The following SEMA3A variants were observed in gnomAD, a reference collection of about 807,000 sequenced individuals.
SEMA3A encodes semaphorin-3A.
SEMA3A carries 29 observed loss-of-function variants against 97.9 expected under a neutral mutation model. The observed-to-expected ratio is 0.30, with a 90% CI of 0.22 to 0.40. SEMA3A has a LOEUF of 0.40. Among genes scored for constraint, SEMA3A ranks in the 10% least tolerant of loss-of-function variants. The probability of loss-of-function intolerance (pLI) is 1.00; values close to 1 mark genes in which losing one functional copy is unlikely to be tolerated. For missense variants in SEMA3A, 763 were observed against 951.3 expected, an observed-to-expected ratio of 0.80 and a Z score of 2.60; for synonymous variants, 321 against 323.7, an observed-to-expected ratio of 0.99 and a Z score of 0.09.
intron 6 of SEMA3A, among the ~76,000 whole-genome samples, chr7:84,033,232 T>C (rs1042781437): frequency 6.6e-6 from 1 of 152,184 alleles, no homozygotes; most frequent in African/African-American, 2.4e-5. Flanking sequence ...AGTCACAACC[T>C]CTACTACATA....
chr7:84,098,100 T>A (rs1175886381), intron 4 of SEMA3A, among the ~76,000 whole-genome samples: 2 of 152,070 alleles, frequency 1.3e-5, no homozygotes, highest in African/African-American at 4.8e-5. Flanking sequence ...TTATGCTATA[T>A]AAAATTAAGT....
chr7:84,343,835 C>A (rs1802231368), intron 2 of SEMA3A, among the ~76,000 whole-genome samples: 4 of 151,830 alleles, frequency 2.6e-5, no homozygotes, highest in Admixed American at 2.6e-4. Context: ...CTATGAAAAA[C>A]AAAACAAAAC....
At position 84,351,828 on chromosome 7, in the gene SEMA3A, T is replaced by C. The variant is rs527719561; in HGVS notation, c.-169+19996A>G. The stretch of plus-strand genomic sequence containing the variant: ...ACATTATGGAGGTTCCTCAAAAAAC[T>C]AAAAATAGAACTACTGTATGATCCA... On this transcript the variant is annotated intron_variant, in intron 2 of 3. Coordinates refer to the SEMA3A transcript ENST00000424555. 7.9e-5 allele frequency among the ~76,000 whole-genome samples: 12 copies of C among 151,952 alleles called. No individual in the cohort carries two copies. In the East Asian group the frequency reaches 2.1e-3, roughly 27 times the overall value.
chr7:84,484,754 A>C (rs1286986745), intron 1 of SEMA3A, among the ~76,000 whole-genome samples: 2 of 152,196 alleles, frequency 1.3e-5, no homozygotes, highest in Admixed American at 1.3e-4. Context: ...TTCTTGAATC[A>C]AAATATGATG....
chr7:84,168,483 T>C (rs564517412), intron 1 of SEMA3A, among the ~76,000 whole-genome samples: 1 of 152,108 alleles, frequency 6.6e-6, no homozygotes, highest in South Asian at 2.1e-4. Flanking sequence ...TAGGTTTCTG[T>C]AATGTTGGTT....
At chr7:84,001,144 A>C (rs2116384834) in intron 12 of SEMA3A, among the ~76,000 whole-genome samples, 1 of 152,066 alleles carries the variant, frequency 6.6e-6, no homozygotes, top group Admixed American at 6.6e-5. Flanking sequence ...CAAATAACAC[A>C]TTTACAGGCA....
At chr7:84,416,240 A>T (rs1298477574) in intron 1 of SEMA3A, among the ~76,000 whole-genome samples, 1 of 152,072 alleles carries the variant, frequency 6.6e-6, no homozygotes, top group Non-Finnish European at 1.5e-5. Flanking sequence ...CGTGATAATG[A>T]ATAAGTCTCA....
Position 84,002,419 on chromosome 7 carries a change from T to TATC in SEMA3A, c.1361-376_1361-374dup, listed in dbSNP as rs199810079. ...TAAAAATATCTCCTTAATTGCCTGG[T>TATC]ATCTCAGAAACAAAACCTAAAAATA... On this transcript the variant is annotated intron_variant, in intron 11 of 16. Coordinates refer to ENST00000265362, the MANE Select transcript of SEMA3A (RefSeq NM_006080.3). Among the ~76,000 whole-genome samples the TATC allele has an allele frequency of 5.8e-3, 890 of 152,314 alleles. 6 individuals carry two copies. The highest frequency in any genetic ancestry group is 0.021 in the African/African-American group (860 of 41,568).
At chr7:84,452,540 GT>G (rs1484004949) in intron 1 of SEMA3A, among the ~76,000 whole-genome samples, 7 of 152,128 alleles carry the variant, frequency 4.6e-5, no homozygotes, top group African/African-American at 1.7e-4. Context: ...TACAAATATG[GT>G]ATGCTTCTTT....
At chr7:84,054,856 T>C (rs1258600932) in intron 5 of SEMA3A, among the ~76,000 whole-genome samples, 1 of 150,498 alleles carries the variant, frequency 6.6e-6, no homozygotes, top group South Asian at 2.1e-4. Flanking sequence ...TGGTCTTTGA[T>C]GATGGTGATG....
At chr7:83,979,295 G>A (rs1354882314) in intron 14 of SEMA3A, among the ~76,000 whole-genome samples, 2 of 151,944 alleles carry the variant, frequency 1.3e-5, no homozygotes, top group Non-Finnish European at 2.9e-5. Context: ...CACCACACAT[G>A]GCTAATTGTT....
At chr7:84,269,983 C>G (rs1800102651) in intron 3 of SEMA3A, among the ~76,000 whole-genome samples, 1 of 151,980 alleles carries the variant, frequency 6.6e-6, no homozygotes, top group African/African-American at 2.4e-5. Flanking sequence ...GTCACATTTT[C>G]TCAAAACAAA....
At chr7:83,980,396 G>C (rs1015304973) in intron 14 of SEMA3A, among the ~76,000 whole-genome samples, 2 of 151,588 alleles carry the variant, frequency 1.3e-5, no homozygotes, top group African/African-American at 4.9e-5. Flanking sequence ...CACGAGGTTA[G>C]GAGATCGAGA....
intron 2 of SEMA3A, among the ~76,000 whole-genome samples, chr7:84,324,550 T>G (rs1246565078): frequency 6.6e-6 from 1 of 152,194 alleles, no homozygotes; most frequent in South Asian, 2.1e-4. Context: ...TTTTGGCTGA[T>G]AGATAGCAAA....
intron 15 of SEMA3A, among the ~76,000 whole-genome samples, chr7:83,972,766 T>TA (rs1788970481): frequency 6.6e-6 from 1 of 152,128 alleles, no homozygotes; most frequent in South Asian, 2.1e-4. Context: ...ATGACATACT[T>TA]AAAGACTTCA....
chr7:84,353,102 C>G (rs1487604801), intron 2 of SEMA3A, among the ~76,000 whole-genome samples: 7 of 151,710 alleles, frequency 4.6e-5, no homozygotes, highest in African/African-American at 1.7e-4. Context: ...TTTAAATTAT[C>G]ACTACTTATA....
intron 3 of SEMA3A, among the ~76,000 whole-genome samples, chr7:84,128,113 T>C (rs769582541): frequency 6.6e-6 from 1 of 152,128 alleles, no homozygotes; most frequent in Non-Finnish European, 1.5e-5. Flanking sequence ...TTACAAAAAA[T>C]GGCCTCTATC....
intron 1 of SEMA3A, among the ~76,000 whole-genome samples, chr7:84,488,733 T>C (rs1455211844): frequency 6.6e-6 from 1 of 152,134 alleles, no homozygotes; most frequent in Non-Finnish European, 1.5e-5. Flanking sequence ...GTCAAACCTC[T>C]GAAAATACTG....
chr7:84,479,094 T>G (rs536879220), intron 1 of SEMA3A, among the ~76,000 whole-genome samples: 1 of 152,188 alleles, frequency 6.6e-6, no homozygotes, highest in Non-Finnish European at 1.5e-5. Context: ...TTTCAAAATA[T>G]AATTTTTACA....
Sources: allele counts gnomAD v4.1 joint callset (sites outside exome capture counted in the v4.1 genomes callset), GRCh38; gene constraint gnomAD v4.1.1; transcripts MANE v1.5; gene names NCBI Gene and HGNC (gene_info 2026-07-23, HGNC 2026-07-21).